RBFOX2: variants seen among roughly 807,000 people sequenced by gnomAD.
The protein encoded by RBFOX2 is RNA binding fox-1 homolog 2, also known as RNA binding protein fox-1 homolog 2.
In RBFOX2, 10 loss-of-function variants were observed where a neutral mutation model predicts 49.1. The ratio of observed to expected loss-of-function variants is 0.20; its 90% CI spans 0.13 to 0.35. The LOEUF is 0.35. RBFOX2 is among the 10% of genes least tolerant of loss of function. The probability of loss-of-function intolerance (pLI) is 1.00; values close to 1 mark genes in which losing one functional copy is unlikely to be tolerated. For missense variants in RBFOX2, 323 were observed against 486.9 expected, an observed-to-expected ratio of 0.66 and a Z score of 3.17; for synonymous variants, 183 against 187.4, an observed-to-expected ratio of 0.98 and a Z score of 0.19.
chr22:35,738,765 T>G (rs1437612213), exon 12 of RBFOX2: 1 of 152,036 alleles, frequency 6.6e-6, no homozygotes, highest in African/African-American at 2.4e-5. Context: ...TTAAAAACAG[T>G]GCTTCATTAC....
At chr22:35,849,837 G>T (rs2041703129) in intron 1 of RBFOX2, among the ~76,000 whole-genome samples, 1 of 152,122 alleles carries the variant, frequency 6.6e-6, no homozygotes, top group Non-Finnish European at 1.5e-5. Flanking sequence ...ACACAGAAGA[G>T]ATGTTCAGAA....
chr22:35,976,896 G>A (rs575499732), intron 1 of RBFOX2, among the ~76,000 whole-genome samples: 2 of 151,628 alleles, frequency 1.3e-5, no homozygotes, highest in East Asian at 1.9e-4. Context: ...CCCAGGAGGC[G>A]GAGGTTGCAG....
intron 5 of RBFOX2, among the ~76,000 whole-genome samples, chr22:35,766,768 T>C (rs1430721569): frequency 1.3e-5 from 2 of 152,048 alleles, no homozygotes; most frequent in Non-Finnish European, 2.9e-5. Context: ...GAGCAAGAGC[T>C]GAAACCAGCT....
At chr22:35,858,927 A>G (rs1196900664) in intron 1 of RBFOX2, among the ~76,000 whole-genome samples, 4 of 152,182 alleles carry the variant, frequency 2.6e-5, no homozygotes, top group Non-Finnish European at 5.9e-5. Flanking sequence ...CAAACTACAA[A>G]TCAGAGGTAA....
At chr22:35,851,436 T>C (rs761423207) in intron 1 of RBFOX2, among the ~76,000 whole-genome samples, 16 of 152,010 alleles carry the variant, frequency 1.1e-4, no homozygotes, top group African/African-American at 1.9e-4. Context: ...ATGGGAGAAA[T>C]AGATAAGGAC....
chr22:35,822,990 A>AT, intron 1 of RBFOX2: 1 of 314,538 alleles, frequency 3.2e-6, no homozygotes, highest in Non-Finnish European at 6.1e-6. Flanking sequence ...CGCCTGGCTA[A>AT]TTTTTGCATT....
intron 1 of RBFOX2, among the ~76,000 whole-genome samples, chr22:35,816,046 T>A (rs1043406966): frequency 8.5e-5 from 13 of 152,224 alleles, no homozygotes; most frequent in Admixed American, 1.3e-4. Flanking sequence ...CAACACTGGA[T>A]TTAAAATCAT....
intron 1 of RBFOX2, among the ~76,000 whole-genome samples, chr22:35,936,499 C>T (rs1257753215): frequency 6.6e-6 from 1 of 152,154 alleles, no homozygotes; most frequent in East Asian, 1.9e-4. Context: ...CTGTATTCAT[C>T]AAATACAACA....
intron 5 of RBFOX2, among the ~76,000 whole-genome samples, chr22:35,765,732 T>G (rs1940741929): frequency 6.6e-6 from 1 of 152,146 alleles, no homozygotes; most frequent in Non-Finnish European, 1.5e-5. Context: ...GAAAATACAT[T>G]TGCAAGATCT....
At chr22:35,851,438 GAT>G (rs2041922807) in intron 1 of RBFOX2, among the ~76,000 whole-genome samples, 2 of 152,196 alleles carry the variant, frequency 1.3e-5, no homozygotes, top group African/African-American at 4.8e-5. Context: ...GGGAGAAATA[GAT>G]AAGGACACAG....
At chr22:35,803,711 G>A (rs1159910274) in intron 2 of RBFOX2, among the ~76,000 whole-genome samples, 5 of 151,830 alleles carry the variant, frequency 3.3e-5, no homozygotes, top group African/African-American at 1.2e-4. Flanking sequence ...AAAAATATGA[G>A]AAGAAATCTC....
intron 1 of RBFOX2, among the ~76,000 whole-genome samples, chr22:35,814,341 C>T (rs1952531745): frequency 6.6e-6 from 1 of 152,058 alleles, no homozygotes; most frequent in Non-Finnish European, 1.5e-5. Flanking sequence ...TACTTTAAAT[C>T]ATCTCTATAT....
At chr22:35,903,542 C>T (rs2048814898) in intron 1 of RBFOX2, among the ~76,000 whole-genome samples, 1 of 152,102 alleles carries the variant, frequency 6.6e-6, no homozygotes, top group African/African-American at 2.4e-5. Flanking sequence ...CAAGTTACAC[C>T]CCTAGCAGAG....
intron 1 of RBFOX2, among the ~76,000 whole-genome samples, chr22:35,857,818 A>G (rs922367370): frequency 5.3e-5 from 8 of 152,248 alleles, no homozygotes; most frequent in Admixed American, 5.2e-4. Flanking sequence ...TTGCTTCAAG[A>G]AGGCAGAAAT....
chr22:35,950,891 T>TA (rs2149839751), intron 1 of RBFOX2, among the ~76,000 whole-genome samples: 1 of 152,208 alleles, frequency 6.6e-6, no homozygotes, highest in South Asian at 2.1e-4. Flanking sequence ...TGCTGTTATT[T>TA]AGAGTTTTCT....
intron 1 of RBFOX2, among the ~76,000 whole-genome samples, chr22:35,888,536 G>A (rs2046872634): frequency 6.6e-6 from 1 of 152,150 alleles, no homozygotes. Flanking sequence ...AAAGAAAAGA[G>A]GTTTATTTGG....
chr22:35,988,195 G>A (rs756013594), intron 1 of RBFOX2, among the ~76,000 whole-genome samples: 5 of 152,238 alleles, frequency 3.3e-5, no homozygotes, highest in African/African-American at 9.6e-5. Flanking sequence ...ACCGCACAGC[G>A]ATCATTCACC....
At chr22:35,771,926 AATTGAC>A (rs1347207868) in intron 4 of RBFOX2, among the ~76,000 whole-genome samples, 4 of 152,184 alleles carry the variant, frequency 2.6e-5, no homozygotes, top group Non-Finnish European at 4.4e-5. Context: ...TTAGAAATTG[AATTGAC>A]ATTAAGTTGG....
chr22:36,023,011 G>A (rs2059302258), intron 1 of RBFOX2, among the ~76,000 whole-genome samples: 2 of 152,060 alleles, frequency 1.3e-5, no homozygotes, highest in Non-Finnish European at 2.9e-5. Flanking sequence ...CTGGGACAGG[G>A]AGAGATGAAA....
Sources: allele counts gnomAD v4.1 joint callset (sites outside exome capture counted in the v4.1 genomes callset), GRCh38; gene constraint gnomAD v4.1.1; transcripts MANE v1.5; gene names NCBI Gene and HGNC (gene_info 2026-07-23, HGNC 2026-07-21).